Variants in PPP1R9A observed in about 807,000 individuals in gnomAD.
PPP1R9A encodes protein phosphatase 1 regulatory subunit 9A, also known as neurabin-1.
A neutral mutation model predicts 141.9 loss-of-function variants in PPP1R9A; 59 were observed. That is an observed-to-expected ratio of 0.42 (90% CI 0.34 to 0.52). The LOEUF (loss-of-function observed/expected upper bound fraction) is 0.52, where lower values mean the gene tolerates loss of function less well. Among genes scored for constraint, PPP1R9A ranks in the 20% least tolerant of loss-of-function variants. The pLI is 0.10. For missense variants in PPP1R9A, 1,444 were observed against 1,611.9 expected (o/e 0.90, Z 1.78); for synonymous variants, 500 against 569.7 (o/e 0.88, Z 1.74).
chr7:95,136,883 C>T (rs1260362119), intron 4 of PPP1R9A, among the ~76,000 whole-genome samples: 4 of 152,114 alleles, frequency 2.6e-5, no homozygotes, highest in African/African-American at 9.7e-5. Context: ...AAATACCACA[C>T]AATATCTGGT....
chr7:95,247,132 C>T (rs554384409), intron 8 of PPP1R9A, among the ~76,000 whole-genome samples: 1 of 152,124 alleles, frequency 6.6e-6, no homozygotes, highest in Non-Finnish European at 1.5e-5. Context: ...CTGTGTATGC[C>T]GTTCAGTTAG....
chr7:95,237,179 AT>A lies in PPP1R9A; in HGVS notation c.2113-10281del, dbSNP rs1309474881. On this transcript the variant is annotated intron_variant, in intron 8 of 19. Coordinates refer to ENST00000433360, the MANE Select transcript of PPP1R9A (RefSeq NM_001166160.2). ...TGTGTGTATGTGTATATATATATAT[AT>A]TTTTTTTTTTTTATGGTTTTTTGTT... 7.4e-3 allele frequency among the ~76,000 whole-genome samples: 932 copies of A among 125,574 alleles called. 11 individuals carry two copies. The highest frequency in any genetic ancestry group is 0.022 in the Middle Eastern group (5 of 224). The allele number at this position is 125,574 out of a possible 152,430, so 82.4% of individuals were successfully genotyped here. A position where few individuals can be genotyped will look rare whatever the true frequency, so the allele number is the denominator to read the frequency against.
chr7:95,163,480 T>C (rs1830724915), intron 5 of PPP1R9A, among the ~76,000 whole-genome samples: 1 of 152,216 alleles, frequency 6.6e-6, no homozygotes, highest in African/African-American at 2.4e-5. Context: ...TTATGTTAAA[T>C]GCTTGCAACC....
intron 3 of PPP1R9A, among the ~76,000 whole-genome samples, chr7:95,116,344 C>T (rs1821514931): frequency 6.6e-6 from 1 of 151,680 alleles, no homozygotes; most frequent in Admixed American, 6.6e-5. Context: ...TCTAGAAAAC[C>T]AAATTGATTC....
rs1341854338 is a variant in PPP1R9A, at chr7:95,291,710, C to G, written c.*1407C>G. On this transcript the variant is annotated 3_prime_UTR_variant, in exon 20 of 20. Coordinates refer to ENST00000433360, the MANE Select transcript of PPP1R9A (RefSeq NM_001166160.2). ...CTCTAAAAATGAGGTTATCCACTTT[C>G]CAAAGGACAAGTTTCAGAATAAGAC... 1 of 152,154 alleles carries G rather than the reference C, an allele frequency of 6.6e-6. No homozygotes were observed. The highest frequency in any genetic ancestry group is 2.4e-5 in the African/African-American group (1 of 41,438). 9.4% of individuals were successfully genotyped at this position (152,154 alleles called of 1,614,324 possible).
intron 2 of PPP1R9A, among the ~76,000 whole-genome samples, chr7:95,007,406 A>T (rs1803772172): frequency 6.6e-6 from 1 of 152,182 alleles, no homozygotes; most frequent in African/African-American, 2.4e-5. Flanking sequence ...ATGTCTTAAG[A>T]TGACGTTGCT....
chr7:95,288,817 A>C, intron 19 of PPP1R9A, 99 bp downstream of exon 19: 1 of 1,369,994 alleles, frequency 7.3e-7, no homozygotes, highest in Non-Finnish European at 9.9e-7. Flanking sequence ...TGCATATCTG[A>C]GAGGTAATTC....
At chr7:94,929,742 G>A (rs1793930916) in intron 2 of PPP1R9A, among the ~76,000 whole-genome samples, 1 of 152,092 alleles carries the variant, frequency 6.6e-6, no homozygotes, top group Non-Finnish European at 1.5e-5. Flanking sequence ...AGTGGAGATA[G>A]ATAGAAAGGC....
At chr7:95,152,313 T>A (rs929729902) in intron 4 of PPP1R9A, among the ~76,000 whole-genome samples, 14 of 152,278 alleles carry the variant, frequency 9.2e-5, no homozygotes, top group African/African-American at 3.4e-4. Context: ...TGCTAAATAA[T>A]TCCAGGTAAA....
intron 2 of PPP1R9A, among the ~76,000 whole-genome samples, chr7:95,034,189 T>C (rs1290404951): frequency 1.3e-5 from 2 of 152,152 alleles, no homozygotes; most frequent in African/African-American, 4.8e-5. Context: ...AATAACATTT[T>C]ATGAAGTTAT....
chr7:95,117,725 T>C (rs1821765201), intron 3 of PPP1R9A, among the ~76,000 whole-genome samples: 2 of 152,046 alleles, frequency 1.3e-5, no homozygotes, highest in African/African-American at 2.4e-5. Context: ...CGGTAATGAG[T>C]ATGGGAAAGT....
chr7:95,214,679 T>C (rs1792908016), intron 7 of PPP1R9A, among the ~76,000 whole-genome samples: 1 of 152,162 alleles, frequency 6.6e-6, no homozygotes, highest in Non-Finnish European at 1.5e-5. Flanking sequence ...GTCTGCCTCC[T>C]ATAGTAGGAA....
chr7:94,996,049 CCTT>C (rs1308439015), intron 2 of PPP1R9A, among the ~76,000 whole-genome samples: 7 of 152,084 alleles, frequency 4.6e-5, no homozygotes, highest in African/African-American at 1.7e-4. Flanking sequence ...GAGACAAAGT[CCTT>C]CTGAATACCC....
intron 2 of PPP1R9A, among the ~76,000 whole-genome samples, chr7:95,053,301 G>A (rs1357281586): frequency 6.6e-6 from 1 of 152,194 alleles, no homozygotes; most frequent in Non-Finnish European, 1.5e-5. Flanking sequence ...TCAGTAAGGT[G>A]TTGGTATGTG....
chr7:95,274,144 C>G lies in PPP1R9A; in HGVS notation c.3272C>G (p.Ala1091Gly). The change falls in exon 16 of 20, where the codon GCC becomes GGC. Residue 1091 changes from alanine to glycine, a missense_variant. Around this residue, in one of 5 missense-constraint regions of PPP1R9A, gnomAD observed 459 missense variants for 513.8 expected, o/e 0.89. Coordinates refer to ENST00000433360, the MANE Select transcript of PPP1R9A (RefSeq NM_001166160.2). ...AAGTGGAAAGAAAAAGAAAAAGAAG[C>G]CAGTAGGTTTTCTGCAGGTAGCAGG... The part of the protein sequence containing the change: ...GKKWKEKEKE[A>G]SRFSAGSRIF... 1 of 1,579,778 alleles carries G rather than the reference C, an allele frequency of 6.3e-7. No homozygotes were observed. Among genetic ancestry groups the G allele is most frequent in the Non-Finnish European group, 8.6e-7 (1 of 1,168,432 alleles).
At chr7:94,945,789 G>T (rs964523012) in intron 2 of PPP1R9A, among the ~76,000 whole-genome samples, 3 of 151,898 alleles carry the variant, frequency 2.0e-5, no homozygotes, top group South Asian at 4.1e-4. Context: ...AGAAACAAAA[G>T]AATTTGTTAA....
intron 5 of PPP1R9A, among the ~76,000 whole-genome samples, chr7:95,177,713 C>T (rs1960955): frequency 0.081 from 12,275 of 151,782 alleles, 1,227 homozygotes; most frequent in African/African-American, 0.23. Context: ...ACACCAAAAG[C>T]GAGGAGTAGC....
At chr7:95,259,098 A>G (rs757635041) in intron 12 of PPP1R9A, among the ~76,000 whole-genome samples, 5 of 152,218 alleles carry the variant, frequency 3.3e-5, no homozygotes, top group African/African-American at 1.2e-4. Flanking sequence ...AATTTGCAGA[A>G]TATTATATAC....
chr7:94,976,900 T>TTA (rs1322176648), intron 2 of PPP1R9A, among the ~76,000 whole-genome samples: 1 of 152,004 alleles, frequency 6.6e-6, no homozygotes. Flanking sequence ...TTTATGTAGG[T>TTA]TATATTCTTG....
Sources: allele counts gnomAD v4.1 joint callset (sites outside exome capture counted in the v4.1 genomes callset), GRCh38; gene constraint gnomAD v4.1.1; regional missense constraint gnomAD v4.1.1; transcripts MANE v1.5; gene names NCBI Gene and HGNC (gene_info 2026-07-23, HGNC 2026-07-21).